DTNA: variants seen among roughly 807,000 people sequenced by gnomAD.
The protein encoded by DTNA is dystrobrevin alpha.
Under a neutral mutation model 100.7 loss-of-function variants are expected in DTNA, and 43 were observed. That is an observed-to-expected ratio of 0.43 (90% CI 0.33 to 0.55). The LOEUF (loss-of-function observed/expected upper bound fraction) is 0.55. Among genes scored for constraint, DTNA ranks in the 20% least tolerant of loss-of-function variants. The pLI is 0.04. For missense variants in DTNA, 798 were observed against 953.9 expected (o/e 0.84, Z 2.15); for synonymous variants, 349 against 347.9 (o/e 1.00, Z -0.04).
intron 1 of DTNA, among the ~76,000 whole-genome samples, chr18:34,659,960 A>C (rs763508475): frequency 6.6e-6 from 1 of 152,220 alleles, no homozygotes; most frequent in Non-Finnish European, 1.5e-5. Flanking sequence ...CTCAACTCAA[A>C]AACTGTTTTC....
intron 1 of DTNA, among the ~76,000 whole-genome samples, chr18:34,753,421 C>A (rs1286126702): frequency 7.8e-6 from 1 of 127,506 alleles, no homozygotes; most frequent in African/African-American, 3.6e-5. Context: ...CTCGCTCTGT[C>A]GCCCAGGCTG....
At chr18:34,711,721 C>T (rs779656677) in intron 1 of DTNA, among the ~76,000 whole-genome samples, 5 of 152,048 alleles carry the variant, frequency 3.3e-5, no homozygotes, top group Admixed American at 1.3e-4. Flanking sequence ...TGATTTTCGT[C>T]GCTATTTCCT....
intron 1 of DTNA, among the ~76,000 whole-genome samples, chr18:34,587,408 A>T (rs2049256119): frequency 6.6e-6 from 1 of 151,922 alleles, no homozygotes; most frequent in Admixed American, 6.6e-5. Context: ...TCTCCTCTGC[A>T]CTCCACATAG....
intron 3 of DTNA, among the ~76,000 whole-genome samples, chr18:34,771,439 G>A (rs924861578): frequency 6.6e-6 from 1 of 152,014 alleles, no homozygotes; most frequent in African/African-American, 2.4e-5. Flanking sequence ...GGTGGAGATT[G>A]CAGTGAGCTG....
At chr18:34,812,216 T>C in intron 6 of DTNA, 103 bp downstream of exon 6, 1 of 1,510,762 alleles carries the variant, frequency 6.6e-7, no homozygotes, top group African/African-American at 1.4e-5. Context: ...TTATTCTGTG[T>C]GATAGCAACC....
intron 1 of DTNA, among the ~76,000 whole-genome samples, chr18:34,537,232 TAACTC>T (rs959340857): frequency 2.6e-5 from 4 of 152,040 alleles, no homozygotes; most frequent in African/African-American, 9.7e-5. Flanking sequence ...AAGTTACTGT[TAACTC>T]AAAACATGAC....
At chr18:34,683,944 G>A (rs1020307282) in intron 1 of DTNA, among the ~76,000 whole-genome samples, 1 of 152,074 alleles carries the variant, frequency 6.6e-6, no homozygotes, top group African/African-American at 2.4e-5. Context: ...TGAAACAATG[G>A]TACAAACATT....
chr18:34,501,458 G>A (rs912330082), intron 1 of DTNA, among the ~76,000 whole-genome samples: 1 of 152,086 alleles, frequency 6.6e-6, no homozygotes, highest in Non-Finnish European at 1.5e-5. Flanking sequence ...ATTAGTATCA[G>A]GATAATACTA....
chr18:34,816,411 A>G (rs986573485), intron 7 of DTNA, among the ~76,000 whole-genome samples: 8 of 152,222 alleles, frequency 5.3e-5, no homozygotes, highest in Non-Finnish European at 8.8e-5. Context: ...AAATGAGAAA[A>G]AAAAATAGAT....
intron 1 of DTNA, among the ~76,000 whole-genome samples, chr18:34,619,838 C>T (rs1349391945): frequency 6.6e-6 from 1 of 151,980 alleles, no homozygotes; most frequent in African/African-American, 2.4e-5. Context: ...AAGCTATGAG[C>T]AGTATGAGTT....
In DTNA at chr18:34,887,888, C is replaced by A. The variant is rs2096937271; in HGVS notation, c.*154C>A. ...CAGCCTCACCGAAGAGAGGAACCAC[C>A]ACACCCAGCAGCTCCTGACAGACCC... On this transcript the variant is annotated 3_prime_UTR_variant, in exon 23 of 23. Transcript: ENST00000444659. 15 of 986,816 alleles carry A rather than the reference C, an allele frequency of 1.5e-5. No individual in the cohort carries two copies. The highest frequency in any genetic ancestry group is 4.7e-5 in the South Asian group (1 of 21,314). The allele number at this position is 986,816 out of a possible 1,614,324, so 61.1% of individuals were successfully genotyped here.
intron 1 of DTNA, chr18:34,737,928 T>A (rs2147605599): frequency 6.6e-6 from 1 of 152,266 alleles, no homozygotes; most frequent in African/African-American, 2.4e-5. Context: ...GAAGATTTTA[T>A]GACAATTGCA....
At chr18:34,556,858 C>T (rs2146104868) in intron 1 of DTNA, among the ~76,000 whole-genome samples, 1 of 150,596 alleles carries the variant, frequency 6.6e-6, no homozygotes, top group Middle Eastern at 3.4e-3. Flanking sequence ...CTTGGAGTTG[C>T]TCTTCTCGAG....
chr18:34,616,102 C>G (rs113786373), intron 1 of DTNA, among the ~76,000 whole-genome samples: 2,666 of 152,094 alleles, frequency 0.018, 81 homozygotes, highest in African/African-American at 0.061. Flanking sequence ...GGGTGTATAC[C>G]CAATAATGGG....
chr18:34,802,819 A>T (rs893781930), intron 4 of DTNA, among the ~76,000 whole-genome samples: 2 of 152,192 alleles, frequency 1.3e-5, no homozygotes, highest in African/African-American at 4.8e-5. Flanking sequence ...GGACTTTTTC[A>T]TCACAAATTT....
rs993367210 is a variant in DTNA at position 34,891,232 on chromosome 18, T to C, written c.*3498T>C. ...TGGTATTGTAAAAAAAAAATACTATTGTATGGATTTTTGTATTGCTGTTAA... is the reference window on the plus strand; with the variant it reads ...TGGTATTGTAAAAAAAAAATACTATCGTATGGATTTTTGTATTGCTGTTAA... On this transcript the variant is annotated 3_prime_UTR_variant, in exon 23 of 23. Transcript: ENST00000444659. The C allele has an allele frequency of 6.6e-6, 1 of 152,406 alleles. No individual in the cohort carries two copies. Among genetic ancestry groups the C allele is most frequent in the Non-Finnish European group, 1.5e-5 (1 of 68,012 alleles). The allele number at this position is 152,406 out of a possible 1,614,324, so 9.4% of individuals were successfully genotyped here.
intron 1 of DTNA, among the ~76,000 whole-genome samples, chr18:34,647,440 A>G (rs1163393079): frequency 6.6e-6 from 1 of 152,220 alleles, no homozygotes; most frequent in Non-Finnish European, 1.5e-5. Flanking sequence ...TTACAGGAGC[A>G]GGCGCCTAGA....
intron 1 of DTNA, among the ~76,000 whole-genome samples, chr18:34,688,971 G>T (rs941870771): frequency 3.3e-5 from 5 of 151,854 alleles, no homozygotes; most frequent in African/African-American, 1.2e-4. Flanking sequence ...CAAAGTTCTG[G>T]TGCTGTGTTT....
intron 1 of DTNA, among the ~76,000 whole-genome samples, chr18:34,580,403 AG>A (rs1221151766): frequency 1.2e-4 from 19 of 152,192 alleles, no homozygotes; most frequent in Admixed American, 8.5e-4. Context: ...AGTGGGTAAA[AG>A]CACAGAAATA....
Sources: gnomAD v4.1 joint callset for allele counts (sites outside exome capture counted in the v4.1 genomes callset) on GRCh38, gnomAD v4.1.1 for gene constraint, MANE v1.5 for transcripts, NCBI Gene and HGNC (gene_info 2026-07-23, HGNC 2026-07-21) for gene names.